TM4SF4: variants seen among roughly 807,000 people sequenced by gnomAD.
TM4SF4 encodes the protein transmembrane 4 L6 family member 4.
A neutral mutation model predicts 24.1 loss-of-function variants in TM4SF4; 24 were observed. That is an observed-to-expected ratio of 1.00 (90% CI 0.72 to 1.40). The LOEUF is 1.40. Ranked by LOEUF, TM4SF4 falls within the 40% of genes most tolerant of loss-of-function variation. The pLI, the probability that TM4SF4 is intolerant of heterozygous loss-of-function variation, is 0.00. For missense variants in TM4SF4, 254 were observed against 254.2 expected (o/e 1.00, Z 0.01); for synonymous variants, 113 against 97.0 (o/e 1.17, Z -0.97).
chr3:149,482,356 C>A (rs2107868227), intron 2 of TM4SF4, among the ~76,000 whole-genome samples: 1 of 152,298 alleles, frequency 6.6e-6, no homozygotes, highest in South Asian at 2.1e-4. Context: ...ATGCCCATAG[C>A]ACAAAAACCG....
At chr3:149,476,246 A>G (rs933401015) in intron 2 of TM4SF4, among the ~76,000 whole-genome samples, 7 of 152,230 alleles carry the variant, frequency 4.6e-5, no homozygotes, top group African/African-American at 1.4e-4. Flanking sequence ...CTGAGAGGCC[A>G]TAAGAACTTG....
chr3:149,491,734 G>C (rs993705235), intron 3 of TM4SF4, among the ~76,000 whole-genome samples: 1 of 152,190 alleles, frequency 6.6e-6, no homozygotes, highest in Non-Finnish European at 1.5e-5. Flanking sequence ...GAAAGTGTGA[G>C]ATGGAGAAGG....
At chr3:149,480,771 G>T (rs1302400912) in intron 2 of TM4SF4, among the ~76,000 whole-genome samples, 1 of 152,028 alleles carries the variant, frequency 6.6e-6, no homozygotes, top group Non-Finnish European at 1.5e-5. Flanking sequence ...AAAAAATAAA[G>T]TATGGAATTT....
chr3:149,497,079 G>A (rs552345624), intron 3 of TM4SF4, among the ~76,000 whole-genome samples: 1 of 152,322 alleles, frequency 6.6e-6, no homozygotes, highest in East Asian at 1.9e-4. Flanking sequence ...TACATAGCTA[G>A]TAAGGGGAAT....
intron 2 of TM4SF4, among the ~76,000 whole-genome samples, chr3:149,484,543 C>T (rs1048857531): frequency 6.6e-6 from 1 of 150,620 alleles, no homozygotes; most frequent in East Asian, 2.0e-4. Flanking sequence ...GCCACCACAC[C>T]CCGCTAATTT....
intron 4 of TM4SF4, among the ~76,000 whole-genome samples, chr3:149,501,573 A>T (rs1734427091): frequency 6.6e-6 from 1 of 152,230 alleles, no homozygotes; most frequent in Admixed American, 6.5e-5. Flanking sequence ...CAAGAGCTGC[A>T]GTTTTAAAGT....
At chr3:149,494,325 T>C (rs1217718111) in intron 3 of TM4SF4, among the ~76,000 whole-genome samples, 1 of 152,176 alleles carries the variant, frequency 6.6e-6, no homozygotes, top group Non-Finnish European at 1.5e-5. Context: ...ATTCAATCCT[T>C]GCTTCTACGT....
At chr3:149,494,926 G>A (rs2107874618) in intron 3 of TM4SF4, 1 of 160,942 alleles carries the variant, frequency 6.2e-6, no homozygotes, top group Non-Finnish European at 1.4e-5. Context: ...TTGATGCTCA[G>A]GACAGAGACT....
chr3:149,487,621 G>A lies in TM4SF4; in HGVS notation c.267G>A (p.Met89Ile), dbSNP rs1734141552. ...GNEGCGKRFAMFTSTIFAVVG... is the reference protein window; with the variant it reads ...GNEGCGKRFAIFTSTIFAVVG... The stretch of plus-strand genomic sequence containing the variant: ...CTGTCTCTCTTCCTCTCTTTCAGAT[G>A]TTCACCTCCACGATATTTGCTGTGG... Residue 89 changes from methionine to isoleucine, a missense_variant and splice_region_variant, in exon 3 of 5, where the codon ATG becomes ATA. Coordinates refer to ENST00000305354, the MANE Select transcript of TM4SF4 (RefSeq NM_004617.4). 1 of 1,613,840 alleles carries A rather than the reference G, an allele frequency of 6.2e-7. No homozygotes were observed. The highest frequency in any genetic ancestry group is 1.7e-5 in the Admixed American group (1 of 59,992).
intron 2 of TM4SF4, among the ~76,000 whole-genome samples, chr3:149,479,701 G>A (rs1431782881): frequency 6.6e-6 from 1 of 152,198 alleles, no homozygotes; most frequent in Non-Finnish European, 1.5e-5. Flanking sequence ...GCATTGCATA[G>A]GAAGCCCTGC....
chr3:149,474,905 C>T lies in TM4SF4; in HGVS notation c.28C>T (p.Leu10=). 6.2e-7 allele frequency: 1 copy of T among 1,613,892 alleles called. No individual in the cohort carries two copies. The highest frequency in any genetic ancestry group is 8.5e-7 in the Non-Finnish European group (1 of 1,179,858). Residue 10 remains leucine (L), a synonymous_variant, in exon 1 of 5, where the codon CTG becomes TTG. Transcript: ENST00000305354. ...GTGCACTGGGGGCTGTGCCAGATGC[C>T]TGGGGGGGACCCTCATTCCCCTTGC... MCTGGCARC[L]GGTLIPLAFF...
chr3:149,475,952 G>C, intron 2 of TM4SF4, 40 bp downstream of exon 2: 1 of 1,550,266 alleles, frequency 6.5e-7, no homozygotes, highest in Non-Finnish European at 8.8e-7. Flanking sequence ...ATTACTCCAG[G>C]GTGCTCTGTG....
At chr3:149,499,178 C>T (rs1040281867) in intron 4 of TM4SF4, among the ~76,000 whole-genome samples, 7 of 152,066 alleles carry the variant, frequency 4.6e-5, no homozygotes, top group Non-Finnish European at 1.0e-4. Flanking sequence ...TCCAGTTGAC[C>T]GTAGTTCTAG....
At chr3:149,487,517 A>C (rs1372714897) in intron 2 of TM4SF4, 102 bp from the exon 3 acceptor site, 15 of 1,442,872 alleles carry the variant, frequency 1.0e-5, no homozygotes, top group Non-Finnish European at 1.3e-5. Flanking sequence ...CTACTCCATA[A>C]CTTCTTGTAG....
At chr3:149,488,400 C>G (rs1479210874) in intron 3 of TM4SF4, among the ~76,000 whole-genome samples, 1 of 152,184 alleles carries the variant, frequency 6.6e-6, no homozygotes. Flanking sequence ...ATAAGCTTAA[C>G]TAGCTTCAAA....
intron 3 of TM4SF4, among the ~76,000 whole-genome samples, chr3:149,498,140 T>C (rs1015289946): frequency 6.6e-6 from 1 of 152,216 alleles, no homozygotes; most frequent in South Asian, 2.1e-4. Context: ...AAATTCACAA[T>C]TTGGTTAAAA....
chr3:149,489,558 A>G (rs566146375), intron 3 of TM4SF4, among the ~76,000 whole-genome samples: 2 of 152,178 alleles, frequency 1.3e-5, no homozygotes, highest in Non-Finnish European at 2.9e-5. Flanking sequence ...CGCACGCCCT[A>G]CTTGGGATGG....
intron 1 of TM4SF4, 72 bp from the exon 2 acceptor site, chr3:149,475,751 T>C: frequency 7.5e-7 from 1 of 1,331,328 alleles, no homozygotes; most frequent in South Asian, 1.3e-5. Context: ...TGGGGCTCCT[T>C]ATACAGTCAG....
At chr3:149,482,417 A>G (rs549688066) in intron 2 of TM4SF4, among the ~76,000 whole-genome samples, 120 of 152,358 alleles carry the variant, frequency 7.9e-4, no homozygotes, top group Admixed American at 1.4e-3. Flanking sequence ...TTCCCTCCTC[A>G]GAGGTCCCCA....
Sources: allele counts gnomAD v4.1 joint callset (sites outside exome capture counted in the v4.1 genomes callset), GRCh38; gene constraint gnomAD v4.1.1; transcripts MANE v1.5; gene names NCBI Gene and HGNC (gene_info 2026-07-23, HGNC 2026-07-21).